ZDHHC20: variants seen among roughly 807,000 people sequenced by gnomAD.
The protein encoded by ZDHHC20 is zDHHC palmitoyltransferase 20.
ZDHHC20 carries 43 observed loss-of-function variants against 57.8 expected under a neutral mutation model. The observed-to-expected ratio is 0.74, with a 90% CI of 0.58 to 0.96. ZDHHC20 has a LOEUF of 0.96. ZDHHC20 is among the 40% of genes least tolerant of loss of function. ZDHHC20 has a pLI of 0.00. For synonymous variants in ZDHHC20, 157 were observed against 153.0 expected, an observed-to-expected ratio of 1.03 and a Z score of -0.19; for missense variants, 391 against 441.1, an observed-to-expected ratio of 0.89 and a Z score of 1.02.
chr13:21,396,910 T>C (rs1472634357), intron 7 of ZDHHC20, among the ~76,000 whole-genome samples: 1 of 152,122 alleles, frequency 6.6e-6, no homozygotes, highest in Non-Finnish European at 1.5e-5. Context: ...AAAGGATTAA[T>C]ATCTTTAGAA....
intron 1 of ZDHHC20, among the ~76,000 whole-genome samples, chr13:21,436,925 G>T (rs1466210575): frequency 6.6e-6 from 1 of 152,132 alleles, no homozygotes; most frequent in Non-Finnish European, 1.5e-5. Context: ...CCAGTGGAGT[G>T]GCACTAACTT....
intron 4 of ZDHHC20, among the ~76,000 whole-genome samples, chr13:21,403,175 T>A (rs898625029): frequency 4.6e-5 from 7 of 152,092 alleles, no homozygotes; most frequent in African/African-American, 1.7e-4. Flanking sequence ...AACTCAAGAT[T>A]TAGTAAGTCC....
chr13:21,409,467 T>C (rs1878908676), intron 4 of ZDHHC20, among the ~76,000 whole-genome samples: 1 of 152,070 alleles, frequency 6.6e-6, no homozygotes, highest in Non-Finnish European at 1.5e-5. Context: ...CCCTTTATCA[T>C]TTTTTTATTG....
intron 4 of ZDHHC20, among the ~76,000 whole-genome samples, chr13:21,403,697 G>C (rs2137807975): frequency 6.6e-6 from 1 of 152,160 alleles, no homozygotes; most frequent in African/African-American, 2.4e-5. Context: ...TTGTTTTTTT[G>C]TTTTTTCTGG....
chr13:21,378,573 TA>T, intron 12 of ZDHHC20, 87 bp downstream of exon 12: 4 of 745,852 alleles, frequency 5.4e-6, no homozygotes, highest in Non-Finnish European at 7.5e-6. Context: ...TTAAAAAGAC[TA>T]AAAAAATACA....
At chr13:21,414,527 A>ATTTTTTTTTTTTTTTTTTTTTT (rs747307477) in intron 3 of ZDHHC20, among the ~76,000 whole-genome samples, 36 of 107,512 alleles carry the variant, frequency 3.3e-4, no homozygotes, top group Non-Finnish European at 4.9e-4. Context: ...TGCCCGGATA[A>ATTTTTTTTTTTTTTTTTTTTTT]TTTTTTTTTT....
chr13:21,427,461 T>C (rs1044438423), intron 1 of ZDHHC20, among the ~76,000 whole-genome samples: 1 of 152,110 alleles, frequency 6.6e-6, no homozygotes, highest in African/African-American at 2.4e-5. Context: ...TAAAATAACA[T>C]CTAGCTAATA....
At chr13:21,428,351 G>A (rs1245764049) in intron 1 of ZDHHC20, among the ~76,000 whole-genome samples, 2 of 151,796 alleles carry the variant, frequency 1.3e-5, no homozygotes, top group African/African-American at 4.8e-5. Context: ...CTCCCGAGTA[G>A]CTGGGATTAC....
intron 6 of ZDHHC20, 101 bp from the exon 7 acceptor site, chr13:21,400,594 G>A (rs1877488048): frequency 1.6e-6 from 2 of 1,221,274 alleles, no homozygotes; most frequent in Non-Finnish European, 2.3e-6. Context: ...TGTGGTGTGG[G>A]GAAGGGGAGC....
At chr13:21,446,321 C>A (rs1273656783) in intron 1 of ZDHHC20, among the ~76,000 whole-genome samples, 1 of 152,186 alleles carries the variant, frequency 6.6e-6, no homozygotes, top group Non-Finnish European at 1.5e-5. Flanking sequence ...TCAAACCCAG[C>A]AACATACACT....
chr13:21,413,786 G>A lies in ZDHHC20; in HGVS notation c.250-14C>T. ...GGACAAGTAGAACTATAAAAGGAAA[G>A]AGGACTATTAAATTTTTTTAATCCC... On this transcript the variant is annotated splice_polypyrimidine_tract_variant and intron_variant, in intron 3 of 12. Transcript: ENST00000400590. 3.1e-6 allele frequency: 5 copies of A among 1,594,244 alleles called. No homozygotes were observed. Among genetic ancestry groups the A allele is most frequent in the Non-Finnish European group, 4.3e-6 (5 of 1,172,692 alleles).
chr13:21,406,719 C>CT (rs1173381107), intron 4 of ZDHHC20, among the ~76,000 whole-genome samples: 1 of 152,134 alleles, frequency 6.6e-6, no homozygotes, highest in African/African-American at 2.4e-5. Context: ...TGAACTCATT[C>CT]TTTTTTATGG....
chr13:21,452,997 T>C (rs996478640), intron 1 of ZDHHC20, among the ~76,000 whole-genome samples: 14 of 152,202 alleles, frequency 9.2e-5, no homozygotes, highest in African/African-American at 2.2e-4. Context: ...ACATTAAATG[T>C]AGATGGTCAA....
chr13:21,438,887 G>A (rs974182320), intron 1 of ZDHHC20, among the ~76,000 whole-genome samples: 3 of 152,182 alleles, frequency 2.0e-5, no homozygotes, highest in Non-Finnish European at 4.4e-5. Flanking sequence ...CATCATCATC[G>A]AGGCAAGACC....
intron 8 of ZDHHC20, among the ~76,000 whole-genome samples, chr13:21,389,794 C>T (rs1483169770): frequency 1.3e-5 from 2 of 152,180 alleles, no homozygotes; most frequent in Non-Finnish European, 2.9e-5. Context: ...AACGGGCCTA[C>T]TACCACTAGA....
intron 4 of ZDHHC20, among the ~76,000 whole-genome samples, chr13:21,405,002 TG>T (rs1230143028): frequency 6.6e-6 from 1 of 152,166 alleles, no homozygotes; most frequent in Non-Finnish European, 1.5e-5. Context: ...GATTGTCACT[TG>T]TATATAGTTC....
chr13:21,406,266 T>C (rs1196637722), intron 4 of ZDHHC20, among the ~76,000 whole-genome samples: 1 of 152,208 alleles, frequency 6.6e-6, no homozygotes, highest in Non-Finnish European at 1.5e-5. Context: ...CTTTTTCAAA[T>C]ACTGTTTAAT....
chr13:21,421,282 T>A (rs1389881852), intron 2 of ZDHHC20, 118 bp from the exon 3 acceptor site: 5 of 717,174 alleles, frequency 7.0e-6, no homozygotes, highest in Non-Finnish European at 1.2e-5. Flanking sequence ...TAAATTAAAA[T>A]GTACTGAAAC....
chr13:21,458,168 GACAACCA>G (rs1287025495), intron 1 of ZDHHC20, among the ~76,000 whole-genome samples: 32 of 152,128 alleles, frequency 2.1e-4, no homozygotes. Flanking sequence ...TTTGATTAAT[GACAACCA>G]ATTTCCTTCA....
Sources: gnomAD v4.1 joint callset for allele counts (sites outside exome capture counted in the v4.1 genomes callset) on GRCh38, gnomAD v4.1.1 for gene constraint, MANE v1.5 for transcripts, NCBI Gene and HGNC (gene_info 2026-07-23, HGNC 2026-07-21) for gene names.